CD163L1: variants seen among roughly 807,000 people sequenced by gnomAD.
CD163L1 encodes the protein CD163 molecule like 1, also known as scavenger receptor cysteine-rich type 1 protein M160.
Under a neutral mutation model 165.4 loss-of-function variants are expected in CD163L1, and 124 were observed. The observed-to-expected ratio is 0.75, with a 90% CI of 0.65 to 0.87. The LOEUF is 0.87. Ranked by LOEUF, CD163L1 falls within the 40% of genes least tolerant of loss-of-function variation. The probability of loss-of-function intolerance (pLI) is 0.00; values close to 1 mark genes in which losing one functional copy is unlikely to be tolerated. For missense variants in CD163L1, 1,525 were observed against 1,799.9 expected, an observed-to-expected ratio of 0.85 and a Z score of 2.76; for synonymous variants, 585 against 662.2, an observed-to-expected ratio of 0.88 and a Z score of 1.79.
chr12:7,375,635 A>C, intron 10 of CD163L1, 40 bp from the exon 11 acceptor site: 1 of 1,610,286 alleles, frequency 6.2e-7, no homozygotes, highest in Non-Finnish European at 8.5e-7. Context: ...ATCATGACTT[A>C]TCAGCTCCAG....
chr12:7,325,551 G>T, the CD163L1 span, among the ~76,000 whole-genome samples: 1 of 152,148 alleles, frequency 6.6e-6, no homozygotes, highest in Non-Finnish European at 1.5e-5. Context: ...GGAGGCTGAG[G>T]CAGGAGAACT....
At chr12:7,407,745 A>G (rs1355216205) in intron 4 of CD163L1, among the ~76,000 whole-genome samples, 4 of 151,132 alleles carry the variant, frequency 2.6e-5, no homozygotes, top group African/African-American at 9.7e-5. Flanking sequence ...AAGCCTGAGA[A>G]CTTGAAGATA....
chr12:7,439,204 A>C (rs1249999224), intron 2 of CD163L1: 3 of 1,580,026 alleles, frequency 1.9e-6, no homozygotes, highest in Non-Finnish European at 2.6e-6. Context: ...CACTTGATTC[A>C]GATTCCACCT....
chr12:7,431,483 C>T (rs1948626797), intron 4 of CD163L1, among the ~76,000 whole-genome samples: 1 of 151,860 alleles, frequency 6.6e-6, no homozygotes, highest in Non-Finnish European at 1.5e-5. Context: ...ATAATCATTT[C>T]CATCTGGTGA....
chr12:7,358,484 AG>A (rs1946824876), intron 18 of CD163L1, among the ~76,000 whole-genome samples: 1 of 152,148 alleles, frequency 6.6e-6, no homozygotes, highest in Admixed American at 6.6e-5. Flanking sequence ...TGCACACCAA[AG>A]ATCTTATTTA....
the CD163L1 span, chr12:7,324,316 A>G: frequency 1.2e-6 from 2 of 1,613,878 alleles, no homozygotes; most frequent in Admixed American, 3.3e-5. Flanking sequence ...GGAGATTTTT[A>G]TGTCACTGGA....
intron 4 of CD163L1, among the ~76,000 whole-genome samples, chr12:7,429,691 T>C (rs1415098024): frequency 1.3e-4 from 20 of 152,058 alleles, no homozygotes; most frequent in Non-Finnish European, 1.5e-5. Context: ...ATCTCTATCT[T>C]AACTATTTTA....
intron 9 of CD163L1, among the ~76,000 whole-genome samples, chr12:7,377,804 G>A (rs1021105902): frequency 3.3e-5 from 5 of 152,088 alleles, no homozygotes; most frequent in African/African-American, 1.2e-4. Context: ...CTTCTTTTAT[G>A]TCAATAAACT....
downstream of CD163L1, among the ~76,000 whole-genome samples, chr12:7,345,355 A>G (rs1389593565): frequency 6.6e-6 from 1 of 152,178 alleles, no homozygotes; most frequent in African/African-American, 2.4e-5. Flanking sequence ...AAACTTCCAT[A>G]GATCCCTAGG....
rs529997227 is a variant in CD163L1, at chr12:7,388,093, C to A, written c.2050+8002G>T. Among the ~76,000 whole-genome samples, 27 of 152,214 alleles carry A rather than the reference C, an allele frequency of 1.8e-4. No individual in the cohort carries two copies. The South Asian group carries it at 5.6e-3, about 32-fold the overall frequency. On this transcript the variant is annotated intron_variant, in intron 8 of 19. Coordinates refer to ENST00000313599, the MANE Select transcript of CD163L1 (RefSeq NM_174941.6). ...TATCCACATGAAGAATGAAACCATACCCCTCTCTCACCATACATAAAAATC... is the reference window on the plus strand; with the variant it reads ...TATCCACATGAAGAATGAAACCATAACCCTCTCTCACCATACATAAAAATC...
intron 18 of CD163L1, among the ~76,000 whole-genome samples, chr12:7,366,312 C>A (rs914845230): frequency 6.6e-6 from 1 of 151,770 alleles, no homozygotes; most frequent in African/African-American, 2.4e-5. Flanking sequence ...AGAAATAAAA[C>A]CTAGTGTTTG....
chr12:7,324,774 T>C, the CD163L1 span, among the ~76,000 whole-genome samples: 1 of 150,980 alleles, frequency 6.6e-6, no homozygotes, highest in Non-Finnish European at 1.5e-5. Flanking sequence ...CCCAAAGGGG[T>C]GGTATTAGAA....
intron 2 of CD163L1, among the ~76,000 whole-genome samples, chr12:7,436,016 ATATC>A (rs770894619): frequency 2.6e-5 from 4 of 152,176 alleles, no homozygotes; most frequent in Non-Finnish European, 4.4e-5. Context: ...TTCTGCATCT[ATATC>A]TATCATATTA....
At position 7,382,001 on chromosome 12, in the gene CD163L1, A is replaced by G. The variant is rs1270309737; in HGVS notation, c.2051-2703T>C. Among the ~76,000 whole-genome samples, 5 of 148,042 alleles carry G rather than the reference A, an allele frequency of 3.4e-5. No homozygotes were observed. In the East Asian group the frequency reaches 9.7e-4, roughly 29 times the overall value. ...GTAATTGTTTTATATACATAATTAT[A>G]TATTTATATATAATGGTTTTATATA... is the stretch of plus-strand genomic sequence containing the variant. On this transcript the variant is annotated intron_variant, in intron 8 of 19. Transcript: ENST00000313599.
intron 8 of CD163L1, among the ~76,000 whole-genome samples, chr12:7,389,384 T>C (rs1235504905): frequency 1.3e-5 from 2 of 152,156 alleles, no homozygotes; most frequent in African/African-American, 4.8e-5. Context: ...CATATGCCTA[T>C]TATGTTAAGT....
At chr12:7,401,778 T>C (rs1394374763) in intron 6 of CD163L1, among the ~76,000 whole-genome samples, 2 of 151,956 alleles carry the variant, frequency 1.3e-5, no homozygotes, top group Non-Finnish European at 1.5e-5. Context: ...ACAAAAGATT[T>C]GAATGAATGG....
At chr12:7,323,244 G>C in the CD163L1 span, 1 of 1,608,556 alleles carries the variant, frequency 6.2e-7, no homozygotes, top group Non-Finnish European at 8.5e-7. Flanking sequence ...GGAATGATTT[G>C]TGCCAATCAG....
the CD163L1 span, among the ~76,000 whole-genome samples, chr12:7,320,309 G>A: frequency 6.6e-6 from 1 of 152,122 alleles, no homozygotes; most frequent in East Asian, 1.9e-4. Context: ...TATTTTATAG[G>A]AATGGAGCTG....
intron 4 of CD163L1, among the ~76,000 whole-genome samples, chr12:7,349,240 A>T (rs1162142152): frequency 6.6e-6 from 1 of 152,212 alleles, no homozygotes; most frequent in Non-Finnish European, 1.5e-5. Flanking sequence ...ATTGATTTTT[A>T]AATTATATCC....
Sources: allele counts gnomAD v4.1 joint callset (sites outside exome capture counted in the v4.1 genomes callset), GRCh38; gene constraint gnomAD v4.1.1; transcripts MANE v1.5; gene names NCBI Gene and HGNC (gene_info 2026-07-23, HGNC 2026-07-21).